The following ERI3 variants were observed in gnomAD, a reference collection of about 807,000 sequenced individuals.
ERI3 encodes the protein ERI1 exoribonuclease family member 3.
A neutral mutation model predicts 44.4 loss-of-function variants in ERI3; 18 were observed. That is an observed-to-expected ratio of 0.41 (90% CI 0.28 to 0.60). The LOEUF is 0.60. Ranked by LOEUF, ERI3 falls within the 20% of genes least tolerant of loss-of-function variation. The probability of loss-of-function intolerance (pLI) is 0.36; values close to 1 mark genes in which losing one functional copy is unlikely to be tolerated. For missense variants in ERI3, 294 were observed against 435.5 expected (o/e 0.68, Z 2.89); for synonymous variants, 183 against 164.8 (o/e 1.11, Z -0.84).
chr1:44,292,667 C>G lies in ERI3; in HGVS notation c.759-7760G>C, dbSNP rs571359005. Among the ~76,000 whole-genome samples, 6 of 152,338 alleles carry G rather than the reference C, an allele frequency of 3.9e-5. No homozygotes were observed. In the South Asian group the frequency reaches 1.2e-3, roughly 32 times the overall value. ...GCGTGCATGCACACGTGCGGTCCCT[C>G]CATTCTCCTCTGCCTGCCCACAGCC... On this transcript the variant is annotated intron_variant, in intron 6 of 8. Transcript: ENST00000372257.
At chr1:44,234,534 C>T (rs1447131922) in intron 8 of ERI3, among the ~76,000 whole-genome samples, 2 of 151,908 alleles carry the variant, frequency 1.3e-5, no homozygotes, top group Non-Finnish European at 2.9e-5. Flanking sequence ...GTGGTGGCAC[C>T]TGTAATCCCA....
At chr1:44,287,608 A>T (rs999250155) in intron 6 of ERI3, among the ~76,000 whole-genome samples, 3 of 152,232 alleles carry the variant, frequency 2.0e-5, no homozygotes, top group African/African-American at 7.2e-5. Flanking sequence ...ATCCAGATAG[A>T]TGTGCCCATG....
chr1:44,236,681 T>G (rs1572077036), intron 8 of ERI3, among the ~76,000 whole-genome samples: 1 of 149,820 alleles, frequency 6.7e-6, no homozygotes, highest in East Asian at 2.0e-4. Context: ...AGGAGGAGAG[T>G]GGCTTAAGGG....
chr1:44,233,688 GCTTCACTTTTTT>G (rs1179739035), intron 8 of ERI3, among the ~76,000 whole-genome samples: 1 of 152,100 alleles, frequency 6.6e-6, no homozygotes, highest in Non-Finnish European at 1.5e-5. Flanking sequence ...CACTGATACA[GCTTCACTTTTTT>G]CTTCTGCATT....
intron 6 of ERI3, among the ~76,000 whole-genome samples, chr1:44,298,478 A>T (rs928335890): frequency 7.2e-5 from 11 of 152,250 alleles, no homozygotes; most frequent in African/African-American, 2.4e-4. Context: ...AACTAAATAC[A>T]GTATAATAGA....
At chr1:44,332,452 C>G (rs1249759893) in intron 3 of ERI3, among the ~76,000 whole-genome samples, 1 of 152,148 alleles carries the variant, frequency 6.6e-6, no homozygotes, top group Admixed American at 6.5e-5. Flanking sequence ...CTGGCCCCAC[C>G]CCCAGACAAC....
At chr1:44,259,681 A>AACACACAGACACAC (rs1553185514) in intron 7 of ERI3, among the ~76,000 whole-genome samples, 79 of 54,050 alleles carry the variant, frequency 1.5e-3, no homozygotes, top group African/African-American at 7.1e-3. Context: ...ATCTCTACAA[A>AACACACAGACACAC]ACACACAGAC....
chr1:44,348,785 G>A (rs564325279), intron 2 of ERI3, among the ~76,000 whole-genome samples: 2 of 152,330 alleles, frequency 1.3e-5, no homozygotes, highest in East Asian at 3.9e-4. Flanking sequence ...TGAAATCACA[G>A]CAATAAACTA....
intron 3 of ERI3, among the ~76,000 whole-genome samples, chr1:44,331,301 A>ATT (rs112983929): frequency 1.4e-5 from 2 of 144,192 alleles, no homozygotes. Context: ...CAAATTCCCA[A>ATT]TTTTTTTTTT....
intron 7 of ERI3, among the ~76,000 whole-genome samples, chr1:44,253,919 C>T (rs1644731999): frequency 6.6e-6 from 1 of 152,208 alleles, no homozygotes; most frequent in Admixed American, 6.5e-5. Flanking sequence ...TACCTATCCC[C>T]TCCTGAATTC....
chr1:44,299,535 T>TA (rs1246103844), intron 6 of ERI3, among the ~76,000 whole-genome samples: 1 of 151,906 alleles, frequency 6.6e-6, no homozygotes, highest in Non-Finnish European at 1.5e-5. Flanking sequence ...AAAAGGGTTT[T>TA]AAAAAAACAC....
At position 44,307,420 on chromosome 1, in the gene ERI3, A is replaced by G. The variant is rs12046876; in HGVS notation, c.758+890T>C. ...TCAAAAGTTCAAACACACACACACAAACACACACACACAGAGACACACACA... is the reference window on the plus strand; with the variant it reads ...TCAAAAGTTCAAACACACACACACAGACACACACACACAGAGACACACACA... On this transcript the variant is annotated intron_variant, in intron 6 of 8. Transcript: ENST00000372257. Among the ~76,000 whole-genome samples, 25 of 151,880 alleles carry G rather than the reference A, an allele frequency of 1.6e-4. 1 individual carries two copies. The highest frequency in any genetic ancestry group is 6.8e-3 in the Middle Eastern group (2 of 294).
At chr1:44,286,357 T>C (rs1191395659) in intron 6 of ERI3, among the ~76,000 whole-genome samples, 2 of 152,172 alleles carry the variant, frequency 1.3e-5, no homozygotes, top group African/African-American at 4.8e-5. Flanking sequence ...CTGCTGAGTT[T>C]GAGGTGCCTA....
chr1:44,348,029 A>C (rs1033122076), intron 2 of ERI3, among the ~76,000 whole-genome samples: 1 of 152,212 alleles, frequency 6.6e-6, no homozygotes, highest in East Asian at 1.9e-4. Context: ...AGGACCAGGC[A>C]CAAAGTAAGC....
At chr1:44,314,019 C>A (rs1184201063) in intron 4 of ERI3, among the ~76,000 whole-genome samples, 1 of 151,896 alleles carries the variant, frequency 6.6e-6, no homozygotes, top group Non-Finnish European at 1.5e-5. Flanking sequence ...AGATTGCCTA[C>A]AAGGATCTGA....
intron 8 of ERI3, among the ~76,000 whole-genome samples, chr1:44,236,651 G>A (rs1644311408): frequency 6.6e-6 from 1 of 152,044 alleles, no homozygotes; most frequent in African/African-American, 2.4e-5. Flanking sequence ...GATGAGGGAA[G>A]GGCGTGGAGT....
chr1:44,237,357 A>G (rs995275597), intron 8 of ERI3, among the ~76,000 whole-genome samples: 12 of 152,258 alleles, frequency 7.9e-5, no homozygotes, highest in Non-Finnish European at 1.8e-4. Context: ...ATCTCCCACA[A>G]TGATCTCTTT....
chr1:44,310,395 G>A (rs374654229), intron 5 of ERI3, among the ~76,000 whole-genome samples: 1 of 152,192 alleles, frequency 6.6e-6, no homozygotes, highest in African/African-American at 2.4e-5. Flanking sequence ...TAAGCACCAC[G>A]AAGGCAGGAA....
At chr1:44,255,470 C>T (rs1055480450) in intron 7 of ERI3, among the ~76,000 whole-genome samples, 2 of 152,192 alleles carry the variant, frequency 1.3e-5, no homozygotes, top group Non-Finnish European at 2.9e-5. Flanking sequence ...CTCACCCACT[C>T]TGCACTCTCT....
Sources: gnomAD v4.1 joint callset for allele counts (sites outside exome capture counted in the v4.1 genomes callset) on GRCh38, gnomAD v4.1.1 for gene constraint, MANE v1.5 for transcripts, NCBI Gene and HGNC (gene_info 2026-07-23, HGNC 2026-07-21) for gene names.